The following CMYA5 variants were observed in gnomAD, a reference collection of about 807,000 sequenced individuals.
The protein encoded by CMYA5 is cardiomyopathy-associated protein 5.
A neutral mutation model predicts 318.9 loss-of-function variants in CMYA5; 246 were observed. The ratio of observed to expected loss-of-function variants is 0.77; its 90% CI spans 0.70 to 0.86. The LOEUF is 0.86. Among genes scored for constraint, CMYA5 ranks in the 40% least tolerant of loss-of-function variants. The pLI, the probability that CMYA5 is intolerant of heterozygous loss-of-function variation, is 0.00. For synonymous variants in CMYA5, 1,641 were observed against 1,729.5 expected (o/e 0.95, Z 1.27); for missense variants, 4,589 against 4,678.2 (o/e 0.98, Z 0.56).
rs369818294 is a variant in CMYA5 at position 79,730,449 on chromosome 5, C to T, written c.1684C>T (p.Leu562Phe). 85 of 1,613,870 alleles carry T rather than the reference C, an allele frequency of 5.3e-5. 1 individual carries two copies. In the South Asian group the frequency reaches 7.9e-4, roughly 15 times the overall value. The change falls in exon 2 of 13, where the codon CTT (leucine) becomes TTT (phenylalanine). Residue 562 changes from leucine to phenylalanine, a missense_variant. By Grantham distance (22) the Leu-to-Phe change is conservative (BLOSUM62 0). This residue lies in a region of CMYA5 where 2,132 missense variants were observed against 2,131.3 expected (regional missense o/e 1.00). Coordinates refer to ENST00000446378, the MANE Select transcript of CMYA5 (RefSeq NM_153610.5). ...SPEVEHKEEE[L>F]ILPLLAASSP... ...TGAAGTGGAGCACAAAGAAGAAGAG[C>T]TTATTCTACCATTATTGGCAGCATC...
intron 1 of CMYA5, among the ~76,000 whole-genome samples, chr5:79,695,723 C>T (rs1313905503): frequency 1.3e-5 from 2 of 152,114 alleles, no homozygotes; most frequent in African/African-American, 2.4e-5. Context: ...TGAGTGGAAG[C>T]GGTTAATTTC....
intron 10 of CMYA5, among the ~76,000 whole-genome samples, chr5:79,790,707 C>T (rs1829161176): frequency 6.6e-6 from 1 of 152,236 alleles, no homozygotes; most frequent in South Asian, 2.1e-4. Context: ...GCTGCTGGTG[C>T]AAGGAGCACA....
intron 1 of CMYA5, among the ~76,000 whole-genome samples, chr5:79,709,648 A>C (rs1375752473): frequency 1.3e-5 from 2 of 151,538 alleles, no homozygotes; most frequent in East Asian, 3.9e-4. Flanking sequence ...CTACTTTTTA[A>C]GTTTTGGTGT....
At chr5:79,691,817 G>A (rs1264515657) in intron 1 of CMYA5, among the ~76,000 whole-genome samples, 9 of 152,314 alleles carry the variant, frequency 5.9e-5, no homozygotes, top group East Asian at 1.9e-4. Flanking sequence ...GTGGTTGGGG[G>A]ACAGCTTAAT....
intron 9 of CMYA5, among the ~76,000 whole-genome samples, chr5:79,764,583 G>A (rs1828714459): frequency 6.6e-6 from 1 of 152,140 alleles, no homozygotes; most frequent in African/African-American, 2.4e-5. Context: ...CTTCCACAAT[G>A]GTTGAACTAA....
Position 79,737,760 on chromosome 5 carries a change from G to T in CMYA5, c.8995G>T (p.Ala2999Ser). The change falls in exon 2 of 13, where the codon GCT becomes TCT. Residue 2999 changes from alanine (A) to serine (S), a missense_variant. Transcript: ENST00000446378. ...IPLPDDSETV[A>S]CHKTLKSRLE... ...ACTCCCTGATGATAGTGAAACAGTT[G>T]CTTGTCATAAAACATTAAAGAGCAG... 2.5e-6 allele frequency: 4 copies of T among 1,611,312 alleles called. No individual in the cohort carries two copies. Among genetic ancestry groups the T allele is most frequent in the Non-Finnish European group, 3.4e-6 (4 of 1,179,260 alleles).
At chr5:79,756,706 A>G (rs944954759) in intron 6 of CMYA5, among the ~76,000 whole-genome samples, 7 of 151,932 alleles carry the variant, frequency 4.6e-5, no homozygotes, top group African/African-American at 9.7e-5. Context: ...TTTTTGCTAC[A>G]TTCTTTAGAC....
At chr5:79,692,192 A>G (rs1826982121) in intron 1 of CMYA5, among the ~76,000 whole-genome samples, 1 of 152,082 alleles carries the variant, frequency 6.6e-6, no homozygotes, top group South Asian at 2.1e-4. Context: ...GGCATGTTCC[A>G]TCTCCCCACC....
intron 1 of CMYA5, among the ~76,000 whole-genome samples, chr5:79,721,526 A>G (rs149260729): frequency 4.6e-5 from 7 of 152,342 alleles, no homozygotes; most frequent in African/African-American, 1.7e-4. Context: ...TTTAAAAACT[A>G]TATGCTGCTT....
Position 79,743,847 on chromosome 5 carries a change from A to G in CMYA5, c.10659A>G (p.Leu3553=), listed in dbSNP as rs1451291114. The G allele has an allele frequency of 4.5e-6, 7 of 1,540,486 alleles. No homozygotes were observed. Among genetic ancestry groups the G allele is most frequent in the Admixed American group, 4.0e-5 (2 of 50,460 alleles). ...SAVKVQLAEF[L]ENLQEKSLRI... Reference sequence around the variant, plus strand: ...TTCAGGTTCAATTAGCAGAATTTCTAGAAAATTTACAAGAAAAGTCCTTGA... The same window carrying G: ...TTCAGGTTCAATTAGCAGAATTTCTGGAAAATTTACAAGAAAAGTCCTTGA... Residue 3553 remains leucine, a synonymous_variant, in exon 3 of 13, where the codon CTA becomes CTG. Transcript: ENST00000446378.
At chr5:79,788,730 G>A (rs756385364) in intron 9 of CMYA5, among the ~76,000 whole-genome samples, 1 of 152,048 alleles carries the variant, frequency 6.6e-6, no homozygotes, top group South Asian at 2.1e-4. Context: ...ATTTTTTTAA[G>A]TGTCTGGTTC....
chr5:79,743,679 A>G (rs1828263475), intron 2 of CMYA5, 148 bp from the exon 3 acceptor site: 1 of 467,414 alleles, frequency 2.1e-6, no homozygotes, highest in Non-Finnish European at 3.7e-6. Flanking sequence ...ATGAGGCAGT[A>G]AAGAAAATTT....
At chr5:79,785,461 T>G (rs1244060335) in intron 9 of CMYA5, among the ~76,000 whole-genome samples, 1 of 152,164 alleles carries the variant, frequency 6.6e-6, no homozygotes, top group Non-Finnish European at 1.5e-5. Context: ...CAAGTCTTTT[T>G]TTGTTTCCCT....
intron 8 of CMYA5, 67 bp downstream of exon 8, chr5:79,762,024 A>C: frequency 5.3e-6 from 8 of 1,498,774 alleles, no homozygotes; most frequent in African/African-American, 1.4e-5. Context: ...TCTTGAGATC[A>C]GCCAGTAAGT....
chr5:79,735,857 A>G lies in CMYA5; in HGVS notation c.7092A>G (p.Glu2364=). 1 of 1,559,534 alleles carries G rather than the reference A, an allele frequency of 6.4e-7. No individual in the cohort carries two copies. Among genetic ancestry groups the G allele is most frequent in the Non-Finnish European group, 8.6e-7 (1 of 1,161,122 alleles). The change falls in exon 2 of 13, where the codon GAA becomes GAG. Residue 2364 remains glutamate (E), a synonymous_variant. Transcript: ENST00000446378. ...AATGGAATATTTCTATTTTTAAGGA[A>G]GAGCCAAGAAGTGATCAAAAACAAA... is the stretch of plus-strand genomic sequence containing the variant. ...PSKWNISIFK[E]EPRSDQKQKS... is the part of the protein sequence containing the mutation.
Position 79,761,848 on chromosome 5 carries a change from C to G in CMYA5, c.11298C>G (p.Ser3766Arg). 6.2e-7 allele frequency: 1 copy of G among 1,613,524 alleles called. No individual in the cohort carries two copies. Among genetic ancestry groups the G allele is most frequent in the Non-Finnish European group, 8.5e-7 (1 of 1,179,682 alleles). Reference protein sequence around the residue: ...VEEYRLTVKESYCIFEDLEPD... With the variant: ...VEEYRLTVKERYCIFEDLEPD... Reference sequence around the variant, plus strand: ...AATACAGACTGACAGTGAAAGAAAGCTACTGCATTTTTGAAGATCTGGAAC... The same window carrying G: ...AATACAGACTGACAGTGAAAGAAAGGTACTGCATTTTTGAAGATCTGGAAC... Residue 3766 changes from serine (S) to arginine (R), a missense_variant, in exon 8 of 13, where the codon AGC (serine) becomes AGG (arginine). Ser to Arg is a moderately radical substitution (Grantham distance 110). Coordinates refer to ENST00000446378, the MANE Select transcript of CMYA5 (RefSeq NM_153610.5).
At chr5:79,705,138 G>A (rs1311242689) in intron 1 of CMYA5, among the ~76,000 whole-genome samples, 10 of 152,144 alleles carry the variant, frequency 6.6e-5, no homozygotes, top group Non-Finnish European at 1.5e-5. Flanking sequence ...CAGGCGTGGT[G>A]GCGCACGCCT....
chr5:79,756,802 T>A (rs530813442), intron 6 of CMYA5, among the ~76,000 whole-genome samples: 1 of 152,116 alleles, frequency 6.6e-6, no homozygotes, highest in African/African-American at 2.4e-5. Flanking sequence ...AATAAAGTAA[T>A]CTCATAAAAT....
In CMYA5 at chr5:79,733,131, G is replaced by C. The variant is rs754181711; in HGVS notation, c.4366G>C (p.Glu1456Gln). The change falls in exon 2 of 13, where the codon GAG becomes CAG. Residue 1456 changes from glutamate (E) to glutamine (Q), a missense_variant. Coordinates refer to ENST00000446378, the MANE Select transcript of CMYA5 (RefSeq NM_153610.5). Reference protein sequence around the residue: ...DSLPSVSSIAEHSVLSEVEAK... With the variant: ...DSLPSVSSIAQHSVLSEVEAK... Reference sequence around the variant, plus strand: ...ACTTCCAAGTGTCTCCTCTATAGCAGAGCATTCTGTTTTGTCAGAAGTAGA... The same window carrying C: ...ACTTCCAAGTGTCTCCTCTATAGCACAGCATTCTGTTTTGTCAGAAGTAGA... 10 of 1,613,802 alleles carry C rather than the reference G, an allele frequency of 6.2e-6. No individual in the cohort carries two copies. Among genetic ancestry groups the C allele is most frequent in the Non-Finnish European group, 8.5e-6 (10 of 1,179,830 alleles).
Sources: gnomAD v4.1 joint callset for allele counts (sites outside exome capture counted in the v4.1 genomes callset) on GRCh38, gnomAD v4.1.1 for gene constraint, gnomAD v4.1.1 regional missense constraint, MANE v1.5 for transcripts, NCBI Gene and HGNC (gene_info 2026-07-23, HGNC 2026-07-21) for gene names.